Variants in CTNNA3 observed in about 807,000 individuals in gnomAD.
The protein encoded by CTNNA3 is catenin alpha-3.
Under a neutral mutation model 95.7 loss-of-function variants are expected in CTNNA3, and 76 were observed. The ratio of observed to expected loss-of-function variants is 0.79; its 90% CI spans 0.66 to 0.96. The LOEUF is 0.96. CTNNA3 is among the 40% of genes least tolerant of loss of function. The pLI, the probability that CTNNA3 is intolerant of heterozygous loss-of-function variation, is 0.00. For synonymous variants in CTNNA3, 431 were observed against 374.4 expected, an observed-to-expected ratio of 1.15 and a Z score of -1.74; for missense variants, 1,191 against 1,089.8, an observed-to-expected ratio of 1.09 and a Z score of -1.31.
intron 13 of CTNNA3, among the ~76,000 whole-genome samples, chr10:66,145,002 T>G (rs758816747): frequency 4.4e-5 from 4 of 90,690 alleles, no homozygotes; most frequent in Admixed American, 1.2e-4. Context: ...TACCCCTACT[T>G]TTGTATAAAA....
intron 5 of CTNNA3, among the ~76,000 whole-genome samples, chr10:67,351,188 C>T (rs1842624630): frequency 6.6e-6 from 1 of 151,626 alleles, no homozygotes; most frequent in African/African-American, 2.4e-5. Flanking sequence ...GAGTGGGTGT[C>T]AGGTGTTAAA....
intron 12 of CTNNA3, among the ~76,000 whole-genome samples, chr10:66,319,349 G>A (rs1054339394): frequency 1.3e-5 from 2 of 151,832 alleles, no homozygotes; most frequent in Non-Finnish European, 2.9e-5. Context: ...CCCAATAATT[G>A]AGGGAAGCAA....
intron 13 of CTNNA3, among the ~76,000 whole-genome samples, chr10:66,117,407 A>C (rs1427190142): frequency 6.6e-6 from 1 of 152,150 alleles, no homozygotes; most frequent in Non-Finnish European, 1.5e-5. Context: ...TACATAAAAG[A>C]AGTAGTAATG....
chr10:67,229,287 T>C (rs1376824340), intron 5 of CTNNA3, among the ~76,000 whole-genome samples: 1 of 152,106 alleles, frequency 6.6e-6, no homozygotes, highest in Non-Finnish European at 1.5e-5. Flanking sequence ...AATTAAAATA[T>C]CAGGAAAATC....
At chr10:67,029,848 A>G (rs1853613402) in intron 7 of CTNNA3, among the ~76,000 whole-genome samples, 1 of 152,190 alleles carries the variant, frequency 6.6e-6, no homozygotes, top group African/African-American at 2.4e-5. Flanking sequence ...CCTCAATGAC[A>G]CTAAAAACCA....
At chr10:66,766,184 T>C (rs1839843490) in intron 9 of CTNNA3, 80 bp downstream of exon 9, 1 of 1,444,606 alleles carries the variant, frequency 6.9e-7, no homozygotes, top group Non-Finnish European at 9.5e-7. Flanking sequence ...AGTTTTTATT[T>C]AGGTACAATT....
At chr10:66,678,032 C>T (rs1310094765) in intron 9 of CTNNA3, among the ~76,000 whole-genome samples, 1 of 152,114 alleles carries the variant, frequency 6.6e-6, no homozygotes, top group Non-Finnish European at 1.5e-5. Context: ...TCTCACTTGC[C>T]ATTGCATTCA....
intron 9 of CTNNA3, among the ~76,000 whole-genome samples, chr10:66,707,426 C>T (rs539996680): frequency 1.2e-4 from 18 of 151,768 alleles, no homozygotes; most frequent in African/African-American, 3.1e-4. Flanking sequence ...GCAACTGGAT[C>T]GTAAAATCTT....
chr10:66,826,709 A>T lies in CTNNA3; in HGVS notation c.1048-51185T>A, dbSNP rs1019996580. Among the ~76,000 whole-genome samples the T allele has an allele frequency of 5.3e-5, 8 of 152,300 alleles. 1 individual carries two copies. Among genetic ancestry groups the T allele is most frequent in the Admixed American group, 1.3e-4 (2 of 15,292 alleles). On this transcript the variant is annotated intron_variant, in intron 7 of 17. Coordinates refer to ENST00000433211, the MANE Select transcript of CTNNA3 (RefSeq NM_013266.4). Reference sequence around the variant, plus strand: ...TATTTTAGCTCATTAATCTACTAAAAACTGAAAAACTGTCTCTCACTGTGA... The same window carrying T: ...TATTTTAGCTCATTAATCTACTAAATACTGAAAAACTGTCTCTCACTGTGA...
At chr10:66,901,573 C>A (rs1210821299) in intron 7 of CTNNA3, among the ~76,000 whole-genome samples, 2 of 152,132 alleles carry the variant, frequency 1.3e-5, no homozygotes, top group Non-Finnish European at 2.9e-5. Flanking sequence ...TTAAAAGACA[C>A]AGACTGGCAA....
chr10:66,663,281 A>T (rs1391460639), intron 9 of CTNNA3, among the ~76,000 whole-genome samples: 1 of 151,936 alleles, frequency 6.6e-6, no homozygotes, highest in Admixed American at 6.6e-5. Flanking sequence ...GCCCCTCCCC[A>T]GTCATGACCA....
At chr10:67,529,753 C>G (rs148662024) in intron 4 of CTNNA3, among the ~76,000 whole-genome samples, 1 of 152,036 alleles carries the variant, frequency 6.6e-6, no homozygotes, top group Admixed American at 6.6e-5. Flanking sequence ...CATGACAAAT[C>G]CAGCAAGTAT....
At chr10:66,065,284 A>G (rs2080291303) in intron 15 of CTNNA3, among the ~76,000 whole-genome samples, 1 of 148,458 alleles carries the variant, frequency 6.7e-6, no homozygotes, top group Admixed American at 6.7e-5. Flanking sequence ...CATTTATCTC[A>G]TTTTTGGCTA....
intron 12 of CTNNA3, among the ~76,000 whole-genome samples, chr10:66,359,181 C>T (rs1294215443): frequency 6.6e-6 from 1 of 152,166 alleles, no homozygotes; most frequent in Admixed American, 6.5e-5. Context: ...CATCCAGACA[C>T]TTATATGATG....
chr10:67,033,507 T>C (rs1853859769), intron 7 of CTNNA3, among the ~76,000 whole-genome samples: 1 of 152,246 alleles, frequency 6.6e-6, no homozygotes, highest in Non-Finnish European at 1.5e-5. Context: ...CAATACACGA[T>C]GTAAATAAAA....
intron 2 of CTNNA3, among the ~76,000 whole-genome samples, chr10:67,618,019 A>G (rs925620858): frequency 4.6e-5 from 7 of 152,172 alleles, no homozygotes; most frequent in African/African-American, 1.7e-4. Context: ...CTATAAAGAT[A>G]TTAAATTAAG....
At chr10:67,131,214 G>A (rs974778711) in intron 7 of CTNNA3, among the ~76,000 whole-genome samples, 1 of 151,926 alleles carries the variant, frequency 6.6e-6, no homozygotes, top group Non-Finnish European at 1.5e-5. Context: ...GAGCCAAGAG[G>A]GTTGGGTTAG....
intron 9 of CTNNA3, among the ~76,000 whole-genome samples, chr10:66,696,349 T>C (rs948398613): frequency 1.3e-5 from 2 of 152,164 alleles, no homozygotes; most frequent in South Asian, 2.1e-4. Context: ...CATGAGGAGA[T>C]ACAAAACTGA....
intron 10 of CTNNA3, among the ~76,000 whole-genome samples, chr10:66,535,553 C>T (rs991577270): frequency 2.0e-5 from 3 of 152,146 alleles, no homozygotes; most frequent in Non-Finnish European, 1.5e-5. Context: ...CTGGCAGGTT[C>T]TATTTGAAGA....
Sources: allele counts gnomAD v4.1 joint callset (sites outside exome capture counted in the v4.1 genomes callset), GRCh38; gene constraint gnomAD v4.1.1; transcripts MANE v1.5; gene names NCBI Gene and HGNC (gene_info 2026-07-23, HGNC 2026-07-21).